The following ZNF169 variants were observed in gnomAD, a reference collection of about 807,000 sequenced individuals.
The protein encoded by ZNF169 is zinc finger protein 169.
Under a neutral mutation model 12.0 loss-of-function variants are expected in ZNF169, and 11 were observed. The ratio of observed to expected loss-of-function variants is 0.92; its 90% CI spans 0.58 to 1.52. The LOEUF (loss-of-function observed/expected upper bound fraction) is 1.52. Ranked by LOEUF, ZNF169 falls within the 40% of genes most tolerant of loss-of-function variation. The pLI, the probability that ZNF169 is intolerant of heterozygous loss-of-function variation, is 0.00. For synonymous variants in ZNF169, 302 were observed against 286.5 expected, an observed-to-expected ratio of 1.05 and a Z score of -0.55; for missense variants, 722 against 744.0, an observed-to-expected ratio of 0.97 and a Z score of 0.34.
At chr9:94,281,834 C>T (rs1830645326) in intron 2 of ZNF169, among the ~76,000 whole-genome samples, 1 of 152,106 alleles carries the variant, frequency 6.6e-6, no homozygotes, top group Non-Finnish European at 1.5e-5. Flanking sequence ...AAGAAGAGTT[C>T]AGGTTAAGAT....
At chr9:94,263,304 T>C (rs908232061) in intron 1 of ZNF169, among the ~76,000 whole-genome samples, 1 of 152,236 alleles carries the variant, frequency 6.6e-6, no homozygotes, top group Non-Finnish European at 1.5e-5. Flanking sequence ...TATATCTTCC[T>C]GATGAATTGA....
At chr9:94,292,617 G>A in intron 3 of ZNF169, 150 bp downstream of exon 3, 1 of 677,812 alleles carries the variant, frequency 1.5e-6, no homozygotes, top group Non-Finnish European at 2.3e-6. Context: ...TTGTGTGTGT[G>A]TGTGTGTGTG....
intron 1 of ZNF169, among the ~76,000 whole-genome samples, chr9:94,262,707 C>T (rs562465171): frequency 6.6e-6 from 1 of 152,188 alleles, no homozygotes; most frequent in South Asian, 2.1e-4. Context: ...GATCCGCCTG[C>T]CTCGGCCTCC....
chr9:94,263,486 C>A (rs902091729), intron 1 of ZNF169, among the ~76,000 whole-genome samples: 1 of 147,620 alleles, frequency 6.8e-6, no homozygotes, highest in Non-Finnish European at 1.5e-5. Flanking sequence ...TATTTAAAGT[C>A]TTTATATTGT....
intron 4 of ZNF169, chr9:94,294,088 A>G (rs1349796554): frequency 6.6e-6 from 1 of 152,180 alleles, no homozygotes; most frequent in African/African-American, 2.4e-5. Context: ...TGGCTATGAA[A>G]TAATCTTGCT....
chr9:94,283,318 G>A (rs1430699628), intron 2 of ZNF169, among the ~76,000 whole-genome samples: 1 of 152,174 alleles, frequency 6.6e-6, no homozygotes, highest in East Asian at 1.9e-4. Context: ...TGAGGCAGGA[G>A]AATTGCTTGA....
At chr9:94,279,677 A>ATCCCT (rs1830591842) in intron 2 of ZNF169, among the ~76,000 whole-genome samples, 1 of 152,026 alleles carries the variant, frequency 6.6e-6, no homozygotes, top group Admixed American at 6.6e-5. Flanking sequence ...CAAGAATCCT[A>ATCCCT]TCCCTTTTCA....
intron 2 of ZNF169, among the ~76,000 whole-genome samples, chr9:94,282,292 C>G (rs1830653636): frequency 6.6e-6 from 1 of 152,120 alleles, no homozygotes; most frequent in South Asian, 2.1e-4. Flanking sequence ...TCAGGATGTG[C>G]CCATGGCAGC....
At chr9:94,277,541 C>T (rs1350217372) in intron 1 of ZNF169, among the ~76,000 whole-genome samples, 1 of 152,064 alleles carries the variant, frequency 6.6e-6, no homozygotes, top group Non-Finnish European at 1.5e-5. Context: ...GAAAGTAAGT[C>T]ATGATATACA....
chr9:94,288,686 C>T lies in ZNF169; in HGVS notation c.34-3655C>T. On this transcript the variant is annotated intron_variant, in intron 2 of 4. Coordinates refer to ENST00000395395, the MANE Select transcript of ZNF169 (RefSeq NM_194320.4). ...ATAGTTTAAAAGTATGTAGCACTTC[C>T]CTCTTGCTCACTTTTTCTCCTGCCA... 2 of 329,620 alleles carry T rather than the reference C, an allele frequency of 6.1e-6. 1 individual carries two copies. The highest frequency in any genetic ancestry group is 5.0e-5 in the South Asian group (2 of 40,012). The allele number at this position is 329,620 out of a possible 1,614,324, so 20.4% of individuals were successfully genotyped here.
chr9:94,292,144 T>C (rs1169009228), intron 2 of ZNF169, among the ~76,000 whole-genome samples, 197 bp from the exon 3 acceptor site: 1 of 152,188 alleles, frequency 6.6e-6, no homozygotes, highest in African/African-American at 2.4e-5. Context: ...AGCCCAGAAA[T>C]AGAACCAGCA....
intron 4 of ZNF169, chr9:94,294,575 G>A (rs182153609): frequency 6.6e-6 from 1 of 152,310 alleles, no homozygotes; most frequent in East Asian, 1.9e-4. Flanking sequence ...AGGAGTCTAT[G>A]AGAATTCTTG....
chr9:94,273,319 A>G (rs1297011346), intron 1 of ZNF169, among the ~76,000 whole-genome samples: 1 of 146,598 alleles, frequency 6.8e-6, no homozygotes, highest in African/African-American at 2.5e-5. Context: ...GCTTTTTCCT[A>G]TTTTTTTTTT....
intron 4 of ZNF169, chr9:94,299,376 G>T: frequency 2.1e-6 from 1 of 478,036 alleles, no homozygotes; most frequent in African/African-American, 2.0e-5. Flanking sequence ...CCAAAGCATG[G>T]CTCCCCTTCA....
rs371684843 is a variant in ZNF169 at position 94,301,443 on chromosome 9, G to GA, written c.*84dup. The GA allele has an allele frequency of 0.036, 38,551 of 1,085,268 alleles. 499 individuals are homozygous for GA. Among genetic ancestry groups the GA allele is most frequent in the African/African-American group, 0.14 (9,013 of 62,254 alleles). 67.2% of individuals were successfully genotyped at this position (1,085,268 alleles called of 1,614,324 possible). The stretch of plus-strand genomic sequence containing the variant: ...TGCTTCAGTTTCCTGAAATGGAATG[G>GA]AAAAAAAAAAATGTTGCTTTCTTTC... On this transcript the variant is annotated 3_prime_UTR_variant, in exon 5 of 5. Transcript: ENST00000395395.
At chr9:94,269,409 A>G (rs1274182086) in intron 1 of ZNF169, among the ~76,000 whole-genome samples, 1 of 152,136 alleles carries the variant, frequency 6.6e-6, no homozygotes, top group Non-Finnish European at 1.5e-5. Flanking sequence ...CCTGATCTCC[A>G]TGCTTCCCTA....
intron 4 of ZNF169, among the ~76,000 whole-genome samples, chr9:94,298,960 GA>G (rs1182895298): frequency 6.6e-6 from 1 of 152,148 alleles, no homozygotes; most frequent in Non-Finnish European, 1.5e-5. Flanking sequence ...TGCTTAAGCC[GA>G]AATATGTATA....
chr9:94,269,283 G>T (rs1161092778), intron 1 of ZNF169, among the ~76,000 whole-genome samples: 6 of 152,154 alleles, frequency 3.9e-5, no homozygotes, highest in African/African-American at 1.4e-4. Flanking sequence ...GGGTGTATGA[G>T]CGAGCCCTCT....
At chr9:94,282,373 C>T (rs144401766) in intron 2 of ZNF169, among the ~76,000 whole-genome samples, 18 of 152,276 alleles carry the variant, frequency 1.2e-4, no homozygotes, top group African/African-American at 2.9e-4. Context: ...TTTAGGGAGA[C>T]ATGCGACGAC....
Sources: allele counts gnomAD v4.1 joint callset (sites outside exome capture counted in the v4.1 genomes callset), GRCh38; gene constraint gnomAD v4.1.1; transcripts MANE v1.5; gene names NCBI Gene and HGNC (gene_info 2026-07-23, HGNC 2026-07-21).